CDH23: variants seen among roughly 807,000 people sequenced by gnomAD.
CDH23 encodes the protein cadherin-23.
A neutral mutation model predicts 317.1 loss-of-function variants in CDH23; 189 were observed. The observed-to-expected ratio is 0.60, with a 90% confidence interval of 0.53 to 0.67. CDH23 has a LOEUF of 0.67. Among genes scored for constraint, CDH23 ranks in the 30% least tolerant of loss-of-function variants. CDH23 has a pLI of 0.00. For missense variants in CDH23, 4,401 were observed against 4,592.4 expected (o/e 0.96, Z 1.20); for synonymous variants, 1,839 against 1,876.8 (o/e 0.98, Z 0.52).
chr10:71,524,652 AGGACC>A (rs1854921848), intron 6 of CDH23, among the ~76,000 whole-genome samples: 1 of 152,154 alleles, frequency 6.6e-6, no homozygotes, highest in East Asian at 1.9e-4. Context: ...TTTGCGGTTA[AGGACC>A]TCTCTGTGAG....
At chr10:71,763,955 G>A (rs927814576) in intron 38 of CDH23, among the ~76,000 whole-genome samples, 7 of 152,190 alleles carry the variant, frequency 4.6e-5, no homozygotes, top group Non-Finnish European at 7.3e-5. Flanking sequence ...AGCCCCAAAC[G>A]GCATGTCTGC....
intron 31 of CDH23, among the ~76,000 whole-genome samples, chr10:71,731,537 G>C (rs771049686): frequency 1.3e-5 from 2 of 152,296 alleles, no homozygotes; most frequent in South Asian, 2.1e-4. Context: ...TAGGGAGTGG[G>C]GAGGATGGGG....
At position 71,397,224 on chromosome 10, in the gene CDH23, G is replaced by T. The variant is rs1308650310; in HGVS notation, c.-100G>T. 4.2e-6 allele frequency: 1 copy of T among 239,044 alleles called. No individual in the cohort carries two copies. The highest frequency in any genetic ancestry group is 8.4e-6 in the Non-Finnish European group (1 of 119,414). 14.8% of individuals were successfully genotyped at this position (239,044 alleles called of 1,614,324 possible). A position where few individuals can be genotyped will look rare whatever the true frequency, so the allele number is the denominator to read the frequency against. On this transcript the variant is annotated 5_prime_UTR_variant, in exon 1 of 70. Transcript: ENST00000224721. This position sits in a 1 kb window ranked among gnomAD's most constrained non-coding sequence, Gnocchi z 4.8. Reference sequence around the variant, plus strand: ...GCGCCGGCGGGAAGACGCGGCGGTGGCCAGGGCCAGAGCAGGCGGCCCGCG... The same window carrying T: ...GCGCCGGCGGGAAGACGCGGCGGTGTCCAGGGCCAGAGCAGGCGGCCCGCG...
intron 3 of CDH23, among the ~76,000 whole-genome samples, chr10:71,492,270 C>G (rs1589132971): frequency 6.6e-6 from 1 of 152,300 alleles, no homozygotes; most frequent in East Asian, 1.9e-4. Flanking sequence ...CCCACATTTA[C>G]CAGTTCCATG....
chr10:71,471,000 G>C (rs1384988049), intron 3 of CDH23, among the ~76,000 whole-genome samples: 1 of 152,072 alleles, frequency 6.6e-6, no homozygotes, highest in African/African-American at 2.4e-5. Context: ...GAGTTTTGAG[G>C]GTTCCTTATA....
chr10:71,801,033 A>T (rs909882022), intron 53 of CDH23, among the ~76,000 whole-genome samples: 1 of 152,208 alleles, frequency 6.6e-6, no homozygotes, highest in Non-Finnish European at 1.5e-5. Context: ...GTGTAACCCA[A>T]ATAATGCCTG....
intron 27 of CDH23, chr10:71,711,772 C>G (rs935245130): frequency 6.6e-6 from 1 of 152,152 alleles, no homozygotes; most frequent in African/African-American, 2.4e-5. Context: ...ATCAGAAGAT[C>G]TGGTGTCTCT....
intron 9 of CDH23, among the ~76,000 whole-genome samples, chr10:71,602,394 GA>G (rs1860280965): frequency 6.6e-6 from 1 of 152,178 alleles, no homozygotes; most frequent in East Asian, 1.9e-4. Context: ...GGCAAGTGAG[GA>G]AACTGAGGCT....
intron 2 of CDH23, among the ~76,000 whole-genome samples, chr10:71,444,073 T>C (rs1387131157): frequency 6.6e-6 from 1 of 152,258 alleles, no homozygotes. Context: ...CTCTGGGCAC[T>C]CATTTGCCTC....
In CDH23 at chr10:71,807,337, G is replaced by A. The variant is rs370616165; in HGVS notation, c.8239G>A (p.Val2747Met). 2.0e-5 allele frequency: 33 copies of A among 1,613,738 alleles called. No individual in the cohort carries two copies. Among genetic ancestry groups the A allele is most frequent in the African/African-American group, 1.9e-4 (14 of 74,920 alleles). Residue 2747 changes from valine to methionine, a missense_variant, in exon 58 of 70, where the codon GTG (valine) becomes ATG (methionine). Val to Met is a conservative substitution (Grantham distance 21). Coordinates refer to ENST00000224721, the MANE Select transcript of CDH23 (RefSeq NM_022124.6). ...TGAGCACTCACCACGCGGCACCCTC[G>A]TGGGCAACGTGACAGGCGCAGTGGA... ...VPEHSPRGTL[V>M]GNVTGAVDAD...
chr10:71,735,219 G>A (rs1007882088), intron 34 of CDH23, among the ~76,000 whole-genome samples: 7 of 152,188 alleles, frequency 4.6e-5, no homozygotes, highest in Non-Finnish European at 8.8e-5. Flanking sequence ...TGTGTGGGGT[G>A]GGATGCACAT....
At chr10:71,487,089 C>T (rs962162082) in intron 3 of CDH23, among the ~76,000 whole-genome samples, 1 of 152,130 alleles carries the variant, frequency 6.6e-6, no homozygotes, top group South Asian at 2.1e-4. Flanking sequence ...GTTTCCCCTG[C>T]CTGGAATGGC....
rs181827786 is a variant in CDH23, at chr10:71,773,482, G to A, written c.4846-4198G>A. The A allele has an allele frequency of 9.5e-4, 1,479 of 1,549,874 alleles. 13 individuals are homozygous for A. In the African/African-American group the frequency reaches 0.018, roughly 18 times the overall value. ...AGAGGAACTTCTGGTGCCGGGGAGCGGGCGGGACGCGGCCGGCGCGGGGAA... is the reference window on the plus strand; with the variant it reads ...AGAGGAACTTCTGGTGCCGGGGAGCAGGCGGGACGCGGCCGGCGCGGGGAA... On this transcript the variant is annotated intron_variant, in intron 38 of 69. Coordinates refer to ENST00000224721, the MANE Select transcript of CDH23 (RefSeq NM_022124.6).
At chr10:71,545,737 C>T (rs1427508924) in intron 6 of CDH23, among the ~76,000 whole-genome samples, 2 of 152,060 alleles carry the variant, frequency 1.3e-5, no homozygotes, top group African/African-American at 4.8e-5. Context: ...AGAAGGGCCA[C>T]AAAGAAAAAT....
intron 14 of CDH23, among the ~76,000 whole-genome samples, chr10:71,664,098 T>C (rs1863788807): frequency 6.6e-6 from 1 of 151,768 alleles, no homozygotes; most frequent in Non-Finnish European, 1.5e-5. Flanking sequence ...CCTGTGCCTC[T>C]GAGGGGAGCC....
At chr10:71,458,666 G>C (rs923421000) in intron 3 of CDH23, among the ~76,000 whole-genome samples, 4 of 152,180 alleles carry the variant, frequency 2.6e-5, no homozygotes, top group Admixed American at 2.6e-4. Flanking sequence ...CTCTGTCCCA[G>C]TTTACTCAGT....
rs180781017 is a variant in CDH23 at position 71,469,214 on chromosome 10, G to A, written c.145+22819G>A. Among the ~76,000 whole-genome samples, 430 of 152,278 alleles carry A rather than the reference G, an allele frequency of 2.8e-3. 2 individuals are homozygous for A. Among genetic ancestry groups the A allele is most frequent in the African/African-American group, 9.8e-3 (409 of 41,560 alleles). ...TGGATAAGTTTCAACATAGGCACACGCCCTTGAAACCATCACCACCATTAA... is the reference window on the plus strand; with the variant it reads ...TGGATAAGTTTCAACATAGGCACACACCCTTGAAACCATCACCACCATTAA... On this transcript the variant is annotated intron_variant, in intron 3 of 69. Transcript: ENST00000224721.
intron 17 of CDH23, among the ~76,000 whole-genome samples, chr10:71,679,777 GT>G (rs1864536518): frequency 6.6e-6 from 1 of 152,200 alleles, no homozygotes; most frequent in South Asian, 2.1e-4. Context: ...AATCTCTGGG[GT>G]TCTCTGTTTC....
intron 2 of CDH23, among the ~76,000 whole-genome samples, chr10:71,443,817 G>A (rs746954780): frequency 2.0e-5 from 3 of 152,226 alleles, no homozygotes; most frequent in Non-Finnish European, 2.9e-5. Context: ...CTTTAACAGC[G>A]GCTTTGAGAA....
Sources: gnomAD v4.1 joint callset for allele counts (sites outside exome capture counted in the v4.1 genomes callset) on GRCh38, gnomAD v4.1.1 for gene constraint, Gnocchi (gnomAD v3.1) non-coding constraint, MANE v1.5 for transcripts, NCBI Gene and HGNC (gene_info 2026-07-23, HGNC 2026-07-21) for gene names.